CTNND2: variants seen among roughly 807,000 people sequenced by gnomAD.
CTNND2 encodes catenin delta 2, also known as catenin delta-2.
Under a neutral mutation model 144.4 loss-of-function variants are expected in CTNND2, and 22 were observed. That is an observed-to-expected ratio of 0.15 (90% CI 0.11 to 0.22). The LOEUF (loss-of-function observed/expected upper bound fraction) is 0.22. Among genes scored for constraint, CTNND2 ranks in the 10% least tolerant of loss-of-function variants. The pLI is 1.00. For missense variants in CTNND2, 1,353 were observed against 1,618.8 expected, an observed-to-expected ratio of 0.84 and a Z score of 2.82; for synonymous variants, 751 against 695.6, an observed-to-expected ratio of 1.08 and a Z score of -1.25.
At chr5:11,043,050 T>A (rs1384491596) in intron 16 of CTNND2, among the ~76,000 whole-genome samples, 1 of 152,134 alleles carries the variant, frequency 6.6e-6, no homozygotes, top group Non-Finnish European at 1.5e-5. Flanking sequence ...TTTAATAGTG[T>A]TAGCTTATAA....
At chr5:11,674,512 A>G (rs1784067006) in intron 2 of CTNND2, among the ~76,000 whole-genome samples, 1 of 152,190 alleles carries the variant, frequency 6.6e-6, no homozygotes, top group South Asian at 2.1e-4. Context: ...ATGAATCTAC[A>G]GTGACACAAC....
chr5:11,646,124 GCT>G (rs2126520963), intron 2 of CTNND2, among the ~76,000 whole-genome samples: 1 of 150,092 alleles, frequency 6.7e-6, no homozygotes, highest in African/African-American at 2.5e-5. Flanking sequence ...TCTTCTCTCT[GCT>G]CTCTCAGTCC....
chr5:11,639,400 G>A (rs1035430588), intron 2 of CTNND2, among the ~76,000 whole-genome samples: 11 of 152,232 alleles, frequency 7.2e-5, no homozygotes, highest in Non-Finnish European at 1.6e-4. Flanking sequence ...AAGATCCCCA[G>A]GTGACTCATA....
chr5:11,199,007 T>C (rs949777710), intron 11 of CTNND2, among the ~76,000 whole-genome samples: 1 of 152,248 alleles, frequency 6.6e-6, no homozygotes, highest in Non-Finnish European at 1.5e-5. Context: ...TGACTTTTAA[T>C]AGACATGAAT....
intron 12 of CTNND2, among the ~76,000 whole-genome samples, chr5:11,141,725 A>G (rs2149735732): frequency 6.6e-6 from 1 of 152,304 alleles, no homozygotes; most frequent in African/African-American, 2.4e-5. Context: ...CAGCCCTTGA[A>G]GGTTCTGCAT....
chr5:11,676,866 C>A (rs938022518), intron 2 of CTNND2, among the ~76,000 whole-genome samples: 1 of 152,282 alleles, frequency 6.6e-6, no homozygotes, highest in Middle Eastern at 3.4e-3. Context: ...AATATCAAAC[C>A]TGTTTCCCTT....
At chr5:11,802,926 C>T (rs1380979956) in intron 1 of CTNND2, among the ~76,000 whole-genome samples, 1 of 152,146 alleles carries the variant, frequency 6.6e-6, no homozygotes, top group Non-Finnish European at 1.5e-5. Context: ...ATCAGTGACT[C>T]TGACATATTT....
At chr5:11,465,641 T>A (rs890108118) in intron 3 of CTNND2, among the ~76,000 whole-genome samples, 1 of 152,194 alleles carries the variant, frequency 6.6e-6, no homozygotes, top group African/African-American at 2.4e-5. Flanking sequence ...CTCATAGCTA[T>A]AATTCAACAT....
intron 3 of CTNND2, among the ~76,000 whole-genome samples, chr5:11,533,092 C>A (rs10041991): frequency 6.6e-6 from 1 of 152,182 alleles, no homozygotes; most frequent in African/African-American, 2.4e-5. Flanking sequence ...GGTGGAAATG[C>A]AAGTTCACAA....
At chr5:11,329,784 G>A (rs1752893897) in intron 9 of CTNND2, among the ~76,000 whole-genome samples, 2 of 152,274 alleles carry the variant, frequency 1.3e-5, no homozygotes, top group South Asian at 4.2e-4. Flanking sequence ...GCAAATGCCC[G>A]ATTCTCAGCG....
chr5:11,324,089 T>C (rs779825657), intron 9 of CTNND2, among the ~76,000 whole-genome samples: 2 of 152,136 alleles, frequency 1.3e-5, no homozygotes, highest in Non-Finnish European at 2.9e-5. Flanking sequence ...GTGAGGTTGA[T>C]GTTCAGTCCT....
At chr5:11,515,211 G>T (rs1325690165) in intron 3 of CTNND2, among the ~76,000 whole-genome samples, 1 of 151,848 alleles carries the variant, frequency 6.6e-6, no homozygotes, top group Non-Finnish European at 1.5e-5. Context: ...CTCAACGGGG[G>T]TAATACTTCA....
intron 2 of CTNND2, among the ~76,000 whole-genome samples, chr5:11,604,482 T>C (rs1334786825): frequency 6.6e-6 from 1 of 152,244 alleles, no homozygotes; most frequent in African/African-American, 2.4e-5. Context: ...TGATGTCTTG[T>C]GGAGCATGGG....
intron 16 of CTNND2, among the ~76,000 whole-genome samples, chr5:11,076,776 G>C (rs1748993712): frequency 6.6e-6 from 1 of 152,152 alleles, no homozygotes; most frequent in African/African-American, 2.4e-5. Context: ...AGCCTATTTA[G>C]AGTTTCCCCG....
At chr5:11,320,676 T>A (rs953178739) in intron 9 of CTNND2, among the ~76,000 whole-genome samples, 5 of 152,132 alleles carry the variant, frequency 3.3e-5, no homozygotes, top group Non-Finnish European at 5.9e-5. Flanking sequence ...GAAACTCCCA[T>A]TTTAAAAACC....
intron 9 of CTNND2, among the ~76,000 whole-genome samples, chr5:11,248,071 G>A (rs956007199): frequency 6.6e-6 from 1 of 152,118 alleles, no homozygotes; most frequent in African/African-American, 2.4e-5. Flanking sequence ...TATAGAAAAT[G>A]TTTATGTTCA....
At chr5:11,205,442 T>A (rs1289254071) in intron 10 of CTNND2, among the ~76,000 whole-genome samples, 1 of 152,234 alleles carries the variant, frequency 6.6e-6, no homozygotes, top group Non-Finnish European at 1.5e-5. Flanking sequence ...TAAAATGATA[T>A]AATTATTACA....
intron 2 of CTNND2, among the ~76,000 whole-genome samples, chr5:11,625,073 T>C (rs1781080267): frequency 6.6e-6 from 1 of 152,040 alleles, no homozygotes; most frequent in South Asian, 2.1e-4. Flanking sequence ...TACAAAGATA[T>C]GACCACATGG....
chr5:11,089,415 C>T lies in CTNND2; in HGVS notation c.2638-6569G>A, dbSNP rs957270497. Among the ~76,000 whole-genome samples, 8 of 152,192 alleles carry T rather than the reference C, an allele frequency of 5.3e-5. No individual in the cohort carries two copies. In the East Asian group the frequency reaches 5.8e-4, roughly 11 times the overall value. ...CCTGTGCCGGCACATACTGCTATAG[C>T]AGCATCTGTAATGGATTTTGTAGAC... On this transcript the variant is annotated intron_variant, in intron 15 of 21. Coordinates refer to ENST00000304623, the MANE Select transcript of CTNND2 (RefSeq NM_001332.4).
Sources: allele counts gnomAD v4.1 joint callset (sites outside exome capture counted in the v4.1 genomes callset), GRCh38; gene constraint gnomAD v4.1.1; transcripts MANE v1.5; gene names NCBI Gene and HGNC (gene_info 2026-07-23, HGNC 2026-07-21).